CIT: variants seen among roughly 807,000 people sequenced by gnomAD.
CIT encodes citron Rho-interacting kinase.
Under a neutral mutation model 272.7 loss-of-function variants are expected in CIT, and 79 were observed. The observed-to-expected ratio is 0.29, with a 90% CI of 0.24 to 0.35. The LOEUF is 0.35. CIT is among the 10% of genes least tolerant of loss of function. The pLI, the probability that CIT is intolerant of heterozygous loss-of-function variation, is 1.00. For missense variants in CIT, 1,909 were observed against 2,618.3 expected (o/e 0.73, Z 5.91); for synonymous variants, 948 against 995.6 (o/e 0.95, Z 0.90).
At position 119,876,179 on chromosome 12, in the gene CIT, G is replaced by T; in HGVS notation, c.-11C>A. ...TTTGAACTTCAACATCTCCCCACTG[G>T]CGCTGAAAGGATATCAGAAAAGTCA... On this transcript the variant is annotated splice_region_variant and 5_prime_UTR_variant, in exon 2 of 48. Coordinates refer to ENST00000392521, the MANE Select transcript of CIT (RefSeq NM_001206999.2). 1 of 1,600,958 alleles carries T rather than the reference G, an allele frequency of 6.2e-7. No homozygotes were observed. Among genetic ancestry groups the T allele is most frequent in the Non-Finnish European group, 8.6e-7 (1 of 1,168,740 alleles).
At chr12:119,741,402 T>C (rs1214128196) in intron 24 of CIT, among the ~76,000 whole-genome samples, 1 of 152,232 alleles carries the variant, frequency 6.6e-6, no homozygotes, top group Admixed American at 6.5e-5. Flanking sequence ...GTTCTGTATC[T>C]TGATCTACAT....
intron 23 of CIT, among the ~76,000 whole-genome samples, chr12:119,746,560 C>G (rs78123703): frequency 0.016 from 2,397 of 152,272 alleles, 74 homozygotes; most frequent in African/African-American, 0.055. Context: ...GACAGAAGCC[C>G]TATTCCACTT....
chr12:119,722,493 T>C (rs1252620056), intron 28 of CIT, among the ~76,000 whole-genome samples: 1 of 152,170 alleles, frequency 6.6e-6, no homozygotes, highest in Non-Finnish European at 1.5e-5. Flanking sequence ...TCTCTCTACC[T>C]CTGTTTTTCT....
At chr12:119,732,994 T>C (rs1259297682) in intron 26 of CIT, among the ~76,000 whole-genome samples, 1 of 152,172 alleles carries the variant, frequency 6.6e-6, no homozygotes, top group East Asian at 1.9e-4. Flanking sequence ...AACGTACCAA[T>C]TTTGTCAGAA....
chr12:119,718,571 A>G lies in CIT; in HGVS notation c.4003+128T>C. On this transcript the variant is annotated intron_variant, in intron 31 of 47. Transcript: ENST00000392521. This position sits in a 1 kb window ranked among gnomAD's most constrained non-coding sequence, Gnocchi z 4.8. ...GGGCCATACGTTTTTCAGACATGGG[A>G]TGTCTGGTCTGAAAGCGTATGGGCC... 2 of 1,414,826 alleles carry G rather than the reference A, an allele frequency of 1.4e-6. No individual in the cohort carries two copies. The highest frequency in any genetic ancestry group is 1.9e-6 in the Non-Finnish European group (2 of 1,031,444). The allele number at this position is 1,414,826 out of a possible 1,614,324, so 87.6% of individuals were successfully genotyped here. A position where few individuals can be genotyped will look rare whatever the true frequency, so the allele number is the denominator to read the frequency against.
chr12:119,782,480 G>A (rs1029258812), intron 13 of CIT, 38 bp downstream of exon 13: 2 of 1,607,590 alleles, frequency 1.2e-6, no homozygotes, highest in Non-Finnish European at 1.7e-6. Context: ...GTCCAAGCAA[G>A]CCGAGATGCT....
rs951217814 is a variant in CIT at position 119,804,163 on chromosome 12, C to T, written c.1112-774G>A. 1.0e-6 allele frequency: 1 copy of T among 985,352 alleles called. No homozygotes were observed. Among genetic ancestry groups the T allele is most frequent in the African/African-American group, 1.7e-5 (1 of 57,236 alleles). The allele number at this position is 985,352 out of a possible 1,614,324, so 61.0% of individuals were successfully genotyped here. A position where few individuals can be genotyped will look rare whatever the true frequency, so the allele number is the denominator to read the frequency against. ...ACGGATGGACATATGCGGCTCCTAC[C>T]TCCTCAGGGCTTCACTCCCGGCTGG... On this transcript the variant is annotated intron_variant, in intron 9 of 47. Coordinates refer to ENST00000392521, the MANE Select transcript of CIT (RefSeq NM_001206999.2). This position sits in a 1 kb window ranked among gnomAD's most constrained non-coding sequence, Gnocchi z 5.3.
At chr12:119,780,856 A>G (rs1964222749) in intron 13 of CIT, among the ~76,000 whole-genome samples, 1 of 152,194 alleles carries the variant, frequency 6.6e-6, no homozygotes, top group Admixed American at 6.5e-5. Flanking sequence ...CCACAATGGA[A>G]CTTTTAGCAG....
Position 119,869,090 on chromosome 12 carries a change from T to C in CIT, c.208A>G (p.Ile70Val). Residue 70 changes from isoleucine to valine, a missense_variant, in exon 3 of 48, where the codon ATT becomes GTT. Physicochemically the swap from Ile to Val is conservative, Grantham distance 29. Transcript: ENST00000392521. ...EECSQPALMK[I>V]KHVSNFVRKY... ...CGGACAAAGTTGCTCACGTGCTTAA[T>C]CTTCATCAGAGCAGGCTGACTGCAT... is the stretch of plus-strand genomic sequence containing the variant. 5 of 1,612,518 alleles carry C rather than the reference T, an allele frequency of 3.1e-6. No homozygotes were observed. The highest frequency in any genetic ancestry group is 1.7e-5 in the Admixed American group (1 of 59,350).
intron 24 of CIT, among the ~76,000 whole-genome samples, chr12:119,736,995 T>C (rs774531498): frequency 6.6e-6 from 1 of 152,212 alleles, no homozygotes; most frequent in African/African-American, 2.4e-5. Context: ...ATCTGTGACA[T>C]GGGAGTGAAC....
intron 24 of CIT, among the ~76,000 whole-genome samples, chr12:119,736,026 TGA>T (rs1958734081): frequency 6.6e-6 from 1 of 152,230 alleles, no homozygotes; most frequent in African/African-American, 2.4e-5. Flanking sequence ...GTTATTTTAT[TGA>T]GAGAGATTTA....
chr12:119,692,634 C>T (rs1478248059), intron 46 of CIT, among the ~76,000 whole-genome samples: 1 of 152,246 alleles, frequency 6.6e-6, no homozygotes, highest in Non-Finnish European at 1.5e-5. Context: ...CAGGGTTGAG[C>T]AGCTGAGACA....
At chr12:119,838,457 A>G (rs1019190949) in intron 5 of CIT, among the ~76,000 whole-genome samples, 1 of 152,166 alleles carries the variant, frequency 6.6e-6, no homozygotes, top group African/African-American at 2.4e-5. Context: ...AGCTTAAAGG[A>G]TTCCAGGGAA....
Position 119,770,834 on chromosome 12 carries a change from T to C in CIT, c.2159A>G (p.Asp720Gly), listed in dbSNP as rs747340558. 3 of 1,612,932 alleles carry C rather than the reference T, an allele frequency of 1.9e-6. No homozygotes were observed. The South Asian group carries it at 3.3e-5, about 18-fold the overall frequency. ...MERRENRLKD[D>G]IQTKSQQIQQ... ...GATCTGTTGGGATTTTGTCTGGATG[T>C]CATCCTTCAGTCTGTTTTCTCTACG... Residue 720 changes from aspartate (D) to glycine (G), a missense_variant, in exon 18 of 48, where the codon GAC becomes GGC. Coordinates refer to ENST00000392521, the MANE Select transcript of CIT (RefSeq NM_001206999.2). The surrounding 1 kb of genome is among the most constrained non-coding windows in gnomAD (Gnocchi z 4.4).
intron 10 of CIT, among the ~76,000 whole-genome samples, chr12:119,791,209 C>T (rs1593761095): frequency 1.3e-5 from 2 of 152,158 alleles, no homozygotes; most frequent in East Asian, 3.9e-4. Context: ...TGGCCTTGGA[C>T]ACACTCAAGA....
At chr12:119,738,712 C>T (rs1593539010) in intron 24 of CIT, among the ~76,000 whole-genome samples, 2 of 151,986 alleles carry the variant, frequency 1.3e-5, no homozygotes, top group South Asian at 2.1e-4. Context: ...GGAGAAATCC[C>T]GTCTCTACTA....
Position 119,757,460 on chromosome 12 carries a change from G to C in CIT, c.2617C>G (p.Arg873Gly). ...TTCTCCAGCTGCTCCTCCAGTTTTCGGTTCTGGGCCTCCAACTTCCCAGCC... is the reference window on the plus strand; with the variant it reads ...TTCTCCAGCTGCTCCTCCAGTTTTCCGTTCTGGGCCTCCAACTTCCCAGCC... ...TQAGKLEAQN[R>G]KLEEQLEKIS... Residue 873 changes from arginine (R) to glycine (G), a missense_variant, in exon 22 of 48, where the codon CGA (arginine) becomes GGA (glycine). Physicochemically the swap from Arg to Gly is moderately radical, Grantham distance 125. Around this residue, in one of 8 missense-constraint regions of CIT, gnomAD observed 530 missense variants for 822.4 expected, o/e 0.64. Coordinates refer to ENST00000392521, the MANE Select transcript of CIT (RefSeq NM_001206999.2). 6.2e-7 allele frequency: 1 copy of C among 1,614,106 alleles called. No homozygotes were observed. The highest frequency in any genetic ancestry group is 8.5e-7 in the Non-Finnish European group (1 of 1,180,032).
intron 44 of CIT, 149 bp downstream of exon 44, chr12:119,700,596 T>C (rs576638075): frequency 2.9e-6 from 2 of 678,558 alleles, no homozygotes; most frequent in Non-Finnish European, 5.4e-6. Context: ...TTGGTCAGGC[T>C]GGGCTCAAAC....
chr12:119,727,225 T>C (rs1958164314), intron 28 of CIT, among the ~76,000 whole-genome samples: 1 of 152,250 alleles, frequency 6.6e-6, no homozygotes, highest in East Asian at 1.9e-4. Flanking sequence ...CTTCATGACA[T>C]AGTCTTTTAA....
Sources: gnomAD v4.1 joint callset for allele counts (sites outside exome capture counted in the v4.1 genomes callset) on GRCh38, gnomAD v4.1.1 for gene constraint, gnomAD v4.1.1 regional missense constraint, Gnocchi (gnomAD v3.1) non-coding constraint, MANE v1.5 for transcripts, NCBI Gene and HGNC (gene_info 2026-07-23, HGNC 2026-07-21) for gene names.